KLF15: variants seen among roughly 807,000 people sequenced by gnomAD.
KLF15 encodes KLF transcription factor 15, also known as Krueppel-like factor 15.
Under a neutral mutation model 24.6 loss-of-function variants are expected in KLF15, and 4 were observed. That is an observed-to-expected ratio of 0.16 (90% CI 0.08 to 0.37). The LOEUF (loss-of-function observed/expected upper bound fraction) is 0.37, where lower values mean the gene tolerates loss of function less well. Among genes scored for constraint, KLF15 ranks in the 10% least tolerant of loss-of-function variants. KLF15 has a pLI of 1.00. For missense variants in KLF15, 496 were observed against 560.6 expected (o/e 0.88, Z 1.16); for synonymous variants, 246 against 236.3 (o/e 1.04, Z -0.37).
the KLF15 span, among the ~76,000 whole-genome samples, chr3:126,323,875 C>T: frequency 2.0e-5 from 3 of 151,834 alleles, no homozygotes; most frequent in African/African-American, 7.3e-5. Context: ...CCAGCTTCTC[C>T]ATGTTCCTGC....
At chr3:126,310,917 G>A in the KLF15 span, among the ~76,000 whole-genome samples, 1 of 152,116 alleles carries the variant, frequency 6.6e-6, no homozygotes, top group African/African-American at 2.4e-5. Flanking sequence ...GCTAGTCCCT[G>A]AACCATCTCC....
downstream of KLF15, among the ~76,000 whole-genome samples, chr3:126,341,501 C>T (rs1008990252): frequency 6.6e-6 from 1 of 152,242 alleles, no homozygotes; most frequent in African/African-American, 2.4e-5. Context: ...CAATGCCTTG[C>T]TTCCCTAGAG....
intron 1 of KLF15, among the ~76,000 whole-genome samples, chr3:126,353,745 T>C (rs745977107): frequency 1.3e-4 from 20 of 152,234 alleles, no homozygotes; most frequent in Non-Finnish European, 2.5e-4. Context: ...GACTGCCCTG[T>C]GAGTGGCACA....
chr3:126,341,421 C>T (rs1374448668), downstream of KLF15, among the ~76,000 whole-genome samples: 4 of 152,206 alleles, frequency 2.6e-5, no homozygotes, highest in East Asian at 1.9e-4. Context: ...GTCCCTCTGA[C>T]GTACCTCTTA....
chr3:126,324,954 C>T, the KLF15 span, among the ~76,000 whole-genome samples: 2 of 91,372 alleles, frequency 2.2e-5, no homozygotes, highest in Admixed American at 1.3e-4. Flanking sequence ...TGCTATCCCT[C>T]CCCCCTCCCC....
At chr3:126,324,788 A>ATTTTTTTTTTTTTTTTGCTTTTTTTTT in the KLF15 span, among the ~76,000 whole-genome samples, 1 of 74,690 alleles carries the variant, frequency 1.3e-5, no homozygotes, top group Non-Finnish European at 2.4e-5. Context: ...TTTGCTTTTA[A>ATTTTTTTTTTTTTTTTGCTTTTTTTTT]TTTTTTTTTT....
the KLF15 span, among the ~76,000 whole-genome samples, chr3:126,315,627 C>G: frequency 2.0e-5 from 3 of 152,224 alleles, no homozygotes; most frequent in African/African-American, 7.2e-5. Flanking sequence ...CACACTCTCA[C>G]AGCTCACAGC....
intron 1 of KLF15, 38 bp downstream of exon 1, chr3:126,357,199 G>T (rs1050725967): frequency 6.7e-6 from 1 of 149,766 alleles, no homozygotes; most frequent in Non-Finnish European, 1.5e-5. Context: ...CCGGGGCCGC[G>T]TCCACGCGGC....
the KLF15 span, among the ~76,000 whole-genome samples, chr3:126,323,141 A>G: frequency 6.6e-6 from 1 of 150,868 alleles, no homozygotes; most frequent in Non-Finnish European, 1.5e-5. Flanking sequence ...GCAAATATAA[A>G]AAGAGTGTAA....
rs1412830304 is a variant in KLF15, at chr3:126,343,502, C to A, written c.*225G>T. On this transcript the variant is annotated 3_prime_UTR_variant, in exon 3 of 3. Transcript: ENST00000296233. ...CGAAGGCACGAAGGCCTGCCTCCAG[C>A]CCCGTGCGCCTGGGGCCCAGCCCCC... The A allele has an allele frequency of 3.0e-5, 15 of 504,182 alleles. No homozygotes were observed. The highest frequency in any genetic ancestry group is 4.5e-5 in the Non-Finnish European group (13 of 290,974). 31.2% of individuals were successfully genotyped at this position (504,182 alleles called of 1,614,324 possible). A position where few individuals can be genotyped will look rare whatever the true frequency, so the allele number is the denominator to read the frequency against.
At chr3:126,322,014 CCTTG>C in the KLF15 span, among the ~76,000 whole-genome samples, 1 of 152,270 alleles carries the variant, frequency 6.6e-6, no homozygotes, top group Non-Finnish European at 1.5e-5. Flanking sequence ...TGATTTTCAT[CCTTG>C]CATTCTGTCC....
the KLF15 span, among the ~76,000 whole-genome samples, chr3:126,323,843 A>C: frequency 6.6e-6 from 1 of 151,730 alleles, no homozygotes; most frequent in Non-Finnish European, 1.5e-5. Flanking sequence ...TTCCTGTGTT[A>C]GTTTGCTGAG....
At chr3:126,307,590 G>A in the KLF15 span, among the ~76,000 whole-genome samples, 1 of 152,202 alleles carries the variant, frequency 6.6e-6, no homozygotes, top group South Asian at 2.1e-4. Flanking sequence ...ACTGCTGTGT[G>A]GGAGACTCAG....
chr3:126,341,086 G>A (rs1429264833), downstream of KLF15, among the ~76,000 whole-genome samples: 1 of 152,156 alleles, frequency 6.6e-6, no homozygotes, highest in East Asian at 1.9e-4. Flanking sequence ...AGGCAGTGCG[G>A]CCCCATTATC....
the KLF15 span, among the ~76,000 whole-genome samples, chr3:126,302,500 T>A: frequency 6.6e-6 from 1 of 152,196 alleles, no homozygotes. Flanking sequence ...TATTAGATTA[T>A]GATTGTAGAT....
the KLF15 span, among the ~76,000 whole-genome samples, chr3:126,304,020 G>A: frequency 6.6e-6 from 1 of 152,062 alleles, no homozygotes; most frequent in East Asian, 1.9e-4. Flanking sequence ...GCCTTTGTCT[G>A]ATAATTCTAA....
the KLF15 span, among the ~76,000 whole-genome samples, chr3:126,313,327 T>A: frequency 1.3e-5 from 2 of 152,284 alleles, no homozygotes; most frequent in Non-Finnish European, 1.5e-5. Context: ...GAAATGAACC[T>A]CTGTTGTTTA....
chr3:126,350,477 G>T (rs373954392), intron 2 of KLF15, among the ~76,000 whole-genome samples: 20 of 152,270 alleles, frequency 1.3e-4, no homozygotes, highest in African/African-American at 4.8e-4. Flanking sequence ...GGCCAGATTG[G>T]CACTCAATGG....
chr3:126,333,392 G>A, the KLF15 span, among the ~76,000 whole-genome samples: 1 of 149,180 alleles, frequency 6.7e-6, no homozygotes, highest in Admixed American at 6.7e-5. Flanking sequence ...GTCACCACTA[G>A]GCCTGCCCTA....
Sources: gnomAD v4.1 joint callset for allele counts (sites outside exome capture counted in the v4.1 genomes callset) on GRCh38, gnomAD v4.1.1 for gene constraint, MANE v1.5 for transcripts, NCBI Gene and HGNC (gene_info 2026-07-23, HGNC 2026-07-21) for gene names.